The following FER variants were observed in gnomAD, a reference collection of about 807,000 sequenced individuals.
FER encodes FER tyrosine kinase.
Under a neutral mutation model 111.0 loss-of-function variants are expected in FER, and 63 were observed. The observed-to-expected ratio is 0.57, with a 90% CI of 0.46 to 0.70. FER has a LOEUF of 0.70. Among genes scored for constraint, FER ranks in the 30% least tolerant of loss-of-function variants. The probability of loss-of-function intolerance (pLI) is 0.00; values close to 1 mark genes in which losing one functional copy is unlikely to be tolerated. For synonymous variants in FER, 327 were observed against 313.9 expected (o/e 1.04, Z -0.44); for missense variants, 914 against 954.0 (o/e 0.96, Z 0.55).
intron 5 of FER, 55 bp from the exon 6 acceptor site, chr5:108,867,712 T>TA: frequency 2.7e-6 from 4 of 1,507,880 alleles, no homozygotes; most frequent in Non-Finnish European, 2.7e-6. Context: ...GTAGTGAAGA[T>TA]ACAATTTTTT....
chr5:109,090,502 C>A (rs1199612919), intron 16 of FER, among the ~76,000 whole-genome samples: 2 of 151,974 alleles, frequency 1.3e-5, no homozygotes, highest in Non-Finnish European at 2.9e-5. Flanking sequence ...GGCCAACCCC[C>A]AAAGAAACAG....
chr5:109,102,620 C>T (rs866651597), intron 17 of FER, among the ~76,000 whole-genome samples: 4 of 152,266 alleles, frequency 2.6e-5, no homozygotes, highest in South Asian at 2.1e-4. Flanking sequence ...CTTTTCCTTA[C>T]TAGCAACAAT....
intron 16 of FER, among the ~76,000 whole-genome samples, chr5:109,064,133 C>G (rs1180421772): frequency 3.3e-5 from 5 of 152,152 alleles, no homozygotes; most frequent in African/African-American, 1.2e-4. Context: ...TATCCCAAAG[C>G]AAATACAGAT....
intron 19 of FER, among the ~76,000 whole-genome samples, chr5:109,187,028 A>G (rs1033774009): frequency 6.6e-6 from 1 of 151,970 alleles, no homozygotes; most frequent in Non-Finnish European, 1.5e-5. Context: ...TCCCTATTGA[A>G]TTCACATTTA....
intron 16 of FER, among the ~76,000 whole-genome samples, chr5:109,092,586 A>G (rs946291028): frequency 8.5e-5 from 13 of 152,176 alleles, no homozygotes; most frequent in African/African-American, 2.9e-4. Flanking sequence ...TAGGATGGCC[A>G]CTATAAAAAA....
At chr5:108,820,027 G>A in intron 3 of FER, 1 of 985,182 alleles carries the variant, frequency 1.0e-6, no homozygotes, top group Non-Finnish European at 1.2e-6. Context: ...GGCTTGTCTA[G>A]GACATGGAAA....
At chr5:108,849,966 TG>T (rs1762392683) in intron 5 of FER, among the ~76,000 whole-genome samples, 1 of 151,820 alleles carries the variant, frequency 6.6e-6, no homozygotes, top group South Asian at 2.1e-4. Context: ...CCAAGGCGGG[TG>T]GATCATGAGG....
intron 17 of FER, among the ~76,000 whole-genome samples, chr5:109,102,947 A>G (rs554787798): frequency 6.6e-6 from 1 of 152,120 alleles, no homozygotes; most frequent in South Asian, 2.1e-4. Context: ...TAGTTGCAAT[A>G]GAATTTTACT....
intron 12 of FER, among the ~76,000 whole-genome samples, chr5:108,957,727 C>A (rs2149663367): frequency 6.6e-6 from 1 of 151,582 alleles, no homozygotes; most frequent in South Asian, 2.1e-4. Context: ...TATTATTTGT[C>A]TGGTGATTTG....
At chr5:109,152,754 G>A (rs566483550) in intron 17 of FER, among the ~76,000 whole-genome samples, 1 of 152,044 alleles carries the variant, frequency 6.6e-6, no homozygotes, top group South Asian at 2.1e-4. Flanking sequence ...GGAAAGCAAA[G>A]CCCTTTCAGG....
chr5:108,939,352 T>C (rs992938340), intron 10 of FER, among the ~76,000 whole-genome samples: 1 of 152,086 alleles, frequency 6.6e-6, no homozygotes, highest in Non-Finnish European at 1.5e-5. Context: ...TGAAAATCTT[T>C]AATTAGTAAT....
At position 109,075,493 on chromosome 5, in the gene FER, G is replaced by A. The variant is rs184306783; in HGVS notation, c.1925-24903G>A. On this transcript the variant is annotated intron_variant, in intron 16 of 19. Transcript: ENST00000281092. ...CACCCGGGCTGGAGGGCGCAATCTC[G>A]ACTCACTGCAAGCTCCGCCTCCCAG... is the stretch of plus-strand genomic sequence containing the variant. Among the ~76,000 whole-genome samples the A allele has an allele frequency of 1.9e-3, 271 of 145,802 alleles. 1 individual carries two copies. The highest frequency in any genetic ancestry group is 6.5e-3 in the African/African-American group (254 of 39,106).
chr5:109,168,299 A>G (rs985362473), intron 17 of FER, among the ~76,000 whole-genome samples: 12 of 152,080 alleles, frequency 7.9e-5, no homozygotes, highest in Non-Finnish European at 1.6e-4. Flanking sequence ...GTCTTTTTAT[A>G]TGCTAATGAG....
chr5:109,135,291 T>C (rs1380402209), intron 17 of FER, among the ~76,000 whole-genome samples: 2 of 152,224 alleles, frequency 1.3e-5, no homozygotes, highest in Admixed American at 1.3e-4. Flanking sequence ...CCTTGAAGGA[T>C]GTACAATTAT....
At chr5:109,085,120 G>T (rs1170211510) in intron 16 of FER, among the ~76,000 whole-genome samples, 1 of 151,800 alleles carries the variant, frequency 6.6e-6, no homozygotes, top group East Asian at 1.9e-4. Flanking sequence ...AAAGCCTCCT[G>T]GGAATTTGGT....
At chr5:108,993,635 G>A (rs965168690) in intron 13 of FER, among the ~76,000 whole-genome samples, 1 of 121,472 alleles carries the variant, frequency 8.2e-6, no homozygotes. Context: ...GGGCGAGGGT[G>A]AGGGCGAGGG....
intron 2 of FER, among the ~76,000 whole-genome samples, chr5:108,771,089 C>T (rs561937909): frequency 3.9e-5 from 6 of 151,916 alleles, no homozygotes; most frequent in African/African-American, 1.2e-4. Context: ...ATGCCCGCCA[C>T]CATGCCCAGC....
chr5:109,015,269 C>T (rs1766921360), intron 13 of FER, among the ~76,000 whole-genome samples: 2 of 152,014 alleles, frequency 1.3e-5, no homozygotes, highest in Non-Finnish European at 2.9e-5. Context: ...CTTTTTAAAA[C>T]TGCTGTATCG....
chr5:108,932,145 A>G (rs1239780655), intron 10 of FER, among the ~76,000 whole-genome samples: 1 of 151,894 alleles, frequency 6.6e-6, no homozygotes, highest in Non-Finnish European at 1.5e-5. Flanking sequence ...TACATTAGGT[A>G]TTTCTCCTAA....
Sources: allele counts gnomAD v4.1 joint callset (sites outside exome capture counted in the v4.1 genomes callset), GRCh38; gene constraint gnomAD v4.1.1; transcripts MANE v1.5; gene names NCBI Gene and HGNC (gene_info 2026-07-23, HGNC 2026-07-21).